CHST11: variants seen among roughly 807,000 people sequenced by gnomAD.
The protein encoded by CHST11 is carbohydrate sulfotransferase 11, also known as C4S-1.
CHST11 carries 9 observed loss-of-function variants against 30.4 expected under a neutral mutation model. The ratio of observed to expected loss-of-function variants is 0.30; its 90% CI spans 0.18 to 0.52. CHST11 has a LOEUF of 0.52. Among genes scored for constraint, CHST11 ranks in the 20% least tolerant of loss-of-function variants. The pLI is 0.97. For synonymous variants in CHST11, 152 were observed against 187.8 expected (o/e 0.81, Z 1.56); for missense variants, 348 against 460.6 (o/e 0.76, Z 2.24).
Position 104,461,234 on chromosome 12 carries a change from C to G in CHST11, c.118+3705C>G, listed in dbSNP as rs186893805. ...AGGTGTAGGCAGCTGAGGCACTGCT[C>G]TGTGTCCTGGATTCTGGAGAAGGTT... On this transcript the variant is annotated intron_variant, in intron 1 of 2. Transcript: ENST00000303694. Among the ~76,000 whole-genome samples, 829 of 152,306 alleles carry G rather than the reference C, an allele frequency of 5.4e-3. 8 individuals carry two copies. Among genetic ancestry groups the G allele is most frequent in the African/African-American group, 0.019 (787 of 41,558 alleles).
intron 1 of CHST11, among the ~76,000 whole-genome samples, chr12:104,545,247 G>A (rs1406501178): frequency 6.6e-6 from 1 of 152,256 alleles, no homozygotes; most frequent in Admixed American, 6.5e-5. Flanking sequence ...ATCAGGGAAT[G>A]GCCCGTTTGA....
chr12:104,509,550 T>C (rs1156575847), intron 1 of CHST11, among the ~76,000 whole-genome samples: 1 of 152,222 alleles, frequency 6.6e-6, no homozygotes, highest in African/African-American at 2.4e-5. Flanking sequence ...TGGCATATAA[T>C]AGATGCTCAA....
chr12:104,495,587 A>T (rs2037791583), intron 1 of CHST11, among the ~76,000 whole-genome samples: 1 of 152,220 alleles, frequency 6.6e-6, no homozygotes, highest in Non-Finnish European at 1.5e-5. Flanking sequence ...TACTTCAGGT[A>T]ACCAATACAT....
At chr12:104,718,117 G>A (rs537226930) in intron 2 of CHST11, among the ~76,000 whole-genome samples, 11 of 152,294 alleles carry the variant, frequency 7.2e-5, no homozygotes, top group South Asian at 2.1e-4. Flanking sequence ...CTTACTATGC[G>A]AAAGGTACTT....
intron 2 of CHST11, among the ~76,000 whole-genome samples, chr12:104,665,839 G>C (rs1230065462): frequency 8.7e-5 from 1 of 11,494 alleles, no homozygotes; most frequent in African/African-American, 3.0e-4. Flanking sequence ...TTTTTTTTTT[G>C]AGACGGAATC....
At chr12:104,625,007 G>T (rs895554304) in intron 2 of CHST11, among the ~76,000 whole-genome samples, 2 of 152,110 alleles carry the variant, frequency 1.3e-5, no homozygotes, top group East Asian at 1.9e-4. Context: ...CTCTTCAAAG[G>T]CCTCATCTCC....
At chr12:104,522,598 G>T (rs2135989075) in intron 1 of CHST11, among the ~76,000 whole-genome samples, 1 of 152,234 alleles carries the variant, frequency 6.6e-6, no homozygotes, top group Non-Finnish European at 1.5e-5. Context: ...CTGGAGATGG[G>T]CCCTATGTTC....
At chr12:104,555,840 T>C (rs2038449257) in intron 1 of CHST11, among the ~76,000 whole-genome samples, 1 of 152,256 alleles carries the variant, frequency 6.6e-6, no homozygotes, top group African/African-American at 2.4e-5. Context: ...ACAGGTTGTG[T>C]GTTGGCAGCC....
intron 2 of CHST11, among the ~76,000 whole-genome samples, chr12:104,696,075 C>A (rs1351438443): frequency 6.6e-6 from 1 of 152,040 alleles, no homozygotes; most frequent in Non-Finnish European, 1.5e-5. Context: ...AACATTAAAC[C>A]CCAGGGGAGC....
chr12:104,471,664 C>T (rs571648271), intron 1 of CHST11, among the ~76,000 whole-genome samples: 69 of 152,208 alleles, frequency 4.5e-4, no homozygotes, highest in African/African-American at 1.5e-3. Flanking sequence ...CTAAATCTTC[C>T]GGTAGCCATT....
At chr12:104,692,758 G>A (rs574515184) in intron 2 of CHST11, among the ~76,000 whole-genome samples, 1 of 152,152 alleles carries the variant, frequency 6.6e-6, no homozygotes, top group East Asian at 1.9e-4. Flanking sequence ...ACCCTATTGT[G>A]AATTGCATAT....
chr12:104,527,051 A>G (rs1265465434), intron 1 of CHST11, among the ~76,000 whole-genome samples: 1 of 152,170 alleles, frequency 6.6e-6, no homozygotes, highest in East Asian at 1.9e-4. Flanking sequence ...CAGTCCTTTC[A>G]TGGTGTAACG....
In CHST11 at chr12:104,471,010, G is replaced by A. The variant is rs180945202; in HGVS notation, c.118+13481G>A. 3.3e-5 allele frequency among the ~76,000 whole-genome samples: 5 copies of A among 152,162 alleles called. No individual in the cohort carries two copies. The East Asian group carries it at 7.7e-4, about 24-fold the overall frequency. ...CCTGGTGAGCTCATCCTCTCTTGGG[G>A]CCTGGGGTATCATCTGTGTTTAGAT... On this transcript the variant is annotated intron_variant, in intron 1 of 2. Coordinates refer to ENST00000303694, the MANE Select transcript of CHST11 (RefSeq NM_018413.6).
At chr12:104,515,343 G>A (rs2038012117) in intron 1 of CHST11, among the ~76,000 whole-genome samples, 1 of 152,156 alleles carries the variant, frequency 6.6e-6, no homozygotes, top group Admixed American at 6.5e-5. Flanking sequence ...GCCCTTTACA[G>A]GAAAAAATGT....
At chr12:104,482,660 G>A (rs925162847) in intron 1 of CHST11, among the ~76,000 whole-genome samples, 3 of 152,114 alleles carry the variant, frequency 2.0e-5, no homozygotes, top group Non-Finnish European at 2.9e-5. Flanking sequence ...AGGACCTAGT[G>A]TGTGCCCGGA....
chr12:104,504,569 C>A (rs2037884567), intron 1 of CHST11, among the ~76,000 whole-genome samples: 1 of 152,190 alleles, frequency 6.6e-6, no homozygotes, highest in Non-Finnish European at 1.5e-5. Context: ...CACAAGAGGT[C>A]AAATCCTACA....
intron 2 of CHST11, among the ~76,000 whole-genome samples, chr12:104,709,818 A>G (rs759219061): frequency 7.2e-5 from 11 of 152,228 alleles, no homozygotes; most frequent in Non-Finnish European, 1.0e-4. Flanking sequence ...TCTTTTTGAA[A>G]TAACAAAAAC....
chr12:104,719,159 C>T (rs77369209), intron 2 of CHST11, among the ~76,000 whole-genome samples: 1 of 152,250 alleles, frequency 6.6e-6, no homozygotes, highest in African/African-American at 2.4e-5. Flanking sequence ...AGAATGGTGA[C>T]GCCCGGAAGC....
chr12:104,585,085 G>T (rs1029579684), intron 1 of CHST11, among the ~76,000 whole-genome samples: 1 of 152,222 alleles, frequency 6.6e-6, no homozygotes, highest in African/African-American at 2.4e-5. Flanking sequence ...TGAAATAGGG[G>T]TTTTGGTCCA....
Sources: gnomAD v4.1 joint callset for allele counts (sites outside exome capture counted in the v4.1 genomes callset) on GRCh38, gnomAD v4.1.1 for gene constraint, MANE v1.5 for transcripts, NCBI Gene and HGNC (gene_info 2026-07-23, HGNC 2026-07-21) for gene names.